The following ZC3H12D variants were observed in gnomAD, a reference collection of about 807,000 sequenced individuals.
ZC3H12D encodes the protein zinc finger CCCH-type containing 12D, also known as probable ribonuclease ZC3H12D.
ZC3H12D carries 11 observed loss-of-function variants against 24.2 expected under a neutral mutation model. That is an observed-to-expected ratio of 0.46 (90% CI 0.29 to 0.75). ZC3H12D has a LOEUF of 0.75. ZC3H12D is among the 30% of genes least tolerant of loss of function. The pLI, the probability that ZC3H12D is intolerant of heterozygous loss-of-function variation, is 0.11. For synonymous variants in ZC3H12D, 333 were observed against 341.8 expected (o/e 0.97, Z 0.28); for missense variants, 740 against 767.7 (o/e 0.96, Z 0.43).
Position 149,474,627 on chromosome 6 carries a change from A to G in ZC3H12D, c.-70-14T>C. On this transcript the variant is annotated splice_polypyrimidine_tract_variant and intron_variant, in intron 1 of 5. Coordinates refer to ENST00000409806, the MANE Select transcript of ZC3H12D (RefSeq NM_207360.3). ...TGCAGACATGAGCTAAAGAGAAAAA[A>G]AATGCATCCATCAGGTGTTTCCTGG... is the stretch of plus-strand genomic sequence containing the variant. 7.8e-7 allele frequency: 1 copy of G among 1,275,564 alleles called. No homozygotes were observed. The highest frequency in any genetic ancestry group is 1.0e-6 in the Non-Finnish European group (1 of 977,608). 79.0% of individuals were successfully genotyped at this position (1,275,564 alleles called of 1,614,324 possible). A position where few individuals can be genotyped will look rare whatever the true frequency, so the allele number is the denominator to read the frequency against.
At chr6:149,460,774 G>C (rs555511384) in intron 3 of ZC3H12D, among the ~76,000 whole-genome samples, 8 of 152,002 alleles carry the variant, frequency 5.3e-5, no homozygotes, top group Non-Finnish European at 7.4e-5. Context: ...AGGTTGCAGT[G>C]AGCTGAGATT....
In ZC3H12D at chr6:149,474,301, G is replaced by A. The variant is rs1239639560; in HGVS notation, c.243C>T (p.Asp81=). The A allele has an allele frequency of 3.2e-6, 5 of 1,575,512 alleles. No individual in the cohort carries two copies. The highest frequency in any genetic ancestry group is 1.7e-6 in the Non-Finnish European group (2 of 1,156,390). Residue 81 remains aspartate, a synonymous_variant, in exon 2 of 6, where the codon GAC becomes GAT. Transcript: ENST00000409806. ...QRGPGTALEE[D]FRTLASSLRP... The stretch of plus-strand genomic sequence containing the variant: ...GCAGAGAACTGGCCAGGGTTCTGAA[G>A]TCCTCTTCCAGGGCTGTCCCCGGGC...
chr6:149,467,436 T>G (rs1776180287), intron 2 of ZC3H12D, among the ~76,000 whole-genome samples: 1 of 152,124 alleles, frequency 6.6e-6, no homozygotes, highest in Non-Finnish European at 1.5e-5. Flanking sequence ...AAATTTGTTG[T>G]AGAGATGAGG....
chr6:149,463,487 G>A (rs774816763), intron 2 of ZC3H12D, among the ~76,000 whole-genome samples: 262 of 152,252 alleles, frequency 1.7e-3, no homozygotes, highest in Non-Finnish European at 1.9e-3. Flanking sequence ...GAGGCAGGTG[G>A]ATCATGAGGT....
intron 2 of ZC3H12D, among the ~76,000 whole-genome samples, chr6:149,462,213 A>C (rs181863137): frequency 1.6e-4 from 25 of 152,260 alleles, no homozygotes; most frequent in Non-Finnish European, 3.5e-4. Context: ...ATCTCTACGA[A>C]AAATACAAAA....
In ZC3H12D at chr6:149,451,120, C is replaced by G. The variant is rs1258541122; in HGVS notation, c.1147G>C (p.Gly383Arg). 7.4e-7 allele frequency: 1 copy of G among 1,343,980 alleles called. No homozygotes were observed. Among genetic ancestry groups the G allele is most frequent in the Non-Finnish European group, 9.5e-7 (1 of 1,053,210 alleles). The allele number at this position is 1,343,980 out of a possible 1,614,324, so 83.3% of individuals were successfully genotyped here. Residue 383 changes from glycine (G) to arginine (R), a missense_variant, in exon 6 of 6, where the codon GGC (glycine) becomes CGC (arginine). Coordinates refer to ENST00000409806, the MANE Select transcript of ZC3H12D (RefSeq NM_207360.3). ...AGGCTGAGCGGGCCTGGCACCCGGC[C>G]GCCCGCGGACACCCAGTCGGGCCCG... is the stretch of plus-strand genomic sequence containing the variant. ...LGGPDWVSAGGRVPGPLSLPS... is the reference protein window; with the variant it reads ...LGGPDWVSAGRRVPGPLSLPS...
intron 3 of ZC3H12D, among the ~76,000 whole-genome samples, chr6:149,457,772 A>G (rs1267703474): frequency 5.3e-5 from 8 of 152,126 alleles, no homozygotes; most frequent in Non-Finnish European, 2.9e-5. Context: ...GCCTTTGGAG[A>G]CATGCAGGAA....
At chr6:149,478,369 T>A (rs1776374130) in intron 1 of ZC3H12D, among the ~76,000 whole-genome samples, 2 of 151,706 alleles carry the variant, frequency 1.3e-5, no homozygotes, top group Non-Finnish European at 2.9e-5. Flanking sequence ...GCAGAAATGT[T>A]AATTAGTGCC....
At chr6:149,473,885 G>A (rs1583191595) in intron 2 of ZC3H12D, among the ~76,000 whole-genome samples, 1 of 152,038 alleles carries the variant, frequency 6.6e-6, no homozygotes, top group African/African-American at 2.4e-5. Context: ...TTGACCCAGG[G>A]CGCCTCCCTC....
intron 1 of ZC3H12D, among the ~76,000 whole-genome samples, chr6:149,477,537 T>C (rs1222269777): frequency 3.3e-5 from 5 of 152,256 alleles, no homozygotes; most frequent in Non-Finnish European, 7.3e-5. Flanking sequence ...CTTGAAACTA[T>C]CTGTTCCCTT....
At chr6:149,482,657 T>C (rs1776444450) in intron 1 of ZC3H12D, among the ~76,000 whole-genome samples, 1 of 152,068 alleles carries the variant, frequency 6.6e-6, no homozygotes, top group South Asian at 2.1e-4. Flanking sequence ...GGGTTCTAGT[T>C]TGCAGCCTCT....
intron 1 of ZC3H12D, chr6:149,483,135 C>T (rs1776450413): frequency 1.3e-5 from 2 of 152,300 alleles, no homozygotes. Flanking sequence ...TTGTCCTGAG[C>T]TTTTCCACAG....
chr6:149,456,631 G>A lies in ZC3H12D; in HGVS notation c.680+35C>T, dbSNP rs757235993. 17 of 794,036 alleles carry A rather than the reference G, an allele frequency of 2.1e-5. No homozygotes were observed. The highest frequency in any genetic ancestry group is 2.3e-5 in the Non-Finnish European group (11 of 485,318). 49.2% of individuals were successfully genotyped at this position (794,036 alleles called of 1,614,324 possible). ...CTCGACCCCGGCCCCCCGCCCCGCC[G>A]CCCCCCAGGGTGTCAGGACCCCAGC... On this transcript the variant is annotated intron_variant, in intron 4 of 5. Coordinates refer to ENST00000409806, the MANE Select transcript of ZC3H12D (RefSeq NM_207360.3). The surrounding 1 kb of genome is among the most constrained non-coding windows in gnomAD (Gnocchi z 4.3).
chr6:149,458,049 G>A (rs452586), intron 3 of ZC3H12D, among the ~76,000 whole-genome samples: 54,168 of 146,156 alleles, frequency 0.37, 10,348 homozygotes, highest in African/African-American at 0.47. Flanking sequence ...CCGTGTTTAT[G>A]ATTTCCTTGC....
intron 2 of ZC3H12D, among the ~76,000 whole-genome samples, chr6:149,471,160 T>C (rs1776238565): frequency 1.3e-5 from 2 of 152,242 alleles, no homozygotes. Context: ...ACTGGGCCAG[T>C]GGCCCACTCT....
rs147473123 is a variant in ZC3H12D at position 149,480,014 on chromosome 6, T to C, written c.-71+4799A>G. 5.9e-5 allele frequency among the ~76,000 whole-genome samples: 9 copies of C among 152,224 alleles called. 1 individual carries two copies. In the East Asian group the frequency reaches 1.4e-3, roughly 23 times the overall value. On this transcript the variant is annotated intron_variant, in intron 1 of 5. Coordinates refer to ENST00000409806, the MANE Select transcript of ZC3H12D (RefSeq NM_207360.3). ...ACAACCCATTGGCCAATAATTCTACTTCCCGGACATTTTCCATAACCACCC... is the reference window on the plus strand; with the variant it reads ...ACAACCCATTGGCCAATAATTCTACCTCCCGGACATTTTCCATAACCACCC...
Position 149,452,587 on chromosome 6 carries a change from G to C in ZC3H12D, c.787+29C>G. The C allele has an allele frequency of 6.7e-7, 1 of 1,496,546 alleles. No individual in the cohort carries two copies. Among genetic ancestry groups the C allele is most frequent in the Non-Finnish European group, 8.9e-7 (1 of 1,123,180 alleles). The allele number at this position is 1,496,546 out of a possible 1,614,324, so 92.7% of individuals were successfully genotyped here. On this transcript the variant is annotated intron_variant, in intron 5 of 5. Transcript: ENST00000409806. This position sits in a 1 kb window ranked among gnomAD's most constrained non-coding sequence, Gnocchi z 4.0. Reference sequence around the variant, plus strand: ...CTGCCCCCACACAAGGCCCTGAACAGGGCCTGCGAAGCACTGGGCCCTACC... The same window carrying C: ...CTGCCCCCACACAAGGCCCTGAACACGGCCTGCGAAGCACTGGGCCCTACC...
At chr6:149,464,286 T>C (rs912736491) in intron 2 of ZC3H12D, among the ~76,000 whole-genome samples, 3 of 152,188 alleles carry the variant, frequency 2.0e-5, no homozygotes, top group Admixed American at 1.3e-4. Flanking sequence ...AAGTGACTGG[T>C]GAAACCTGAA....
rs188136387 is a variant in ZC3H12D, at chr6:149,479,300, G to A, written c.-70-4687C>T. Among the ~76,000 whole-genome samples, 973 of 152,336 alleles carry A rather than the reference G, an allele frequency of 6.4e-3. 9 individuals carry two copies. The highest frequency in any genetic ancestry group is 0.022 in the African/African-American group (896 of 41,568). ...TACTTGACCCCAGGAGGTTGAGGCT[G>A]CAGTGAGCTGTGATCACGCCACTGA... On this transcript the variant is annotated intron_variant, in intron 1 of 5. Transcript: ENST00000409806.
Sources: gnomAD v4.1 joint callset for allele counts (sites outside exome capture counted in the v4.1 genomes callset) on GRCh38, gnomAD v4.1.1 for gene constraint, Gnocchi (gnomAD v3.1) non-coding constraint, MANE v1.5 for transcripts, NCBI Gene and HGNC (gene_info 2026-07-23, HGNC 2026-07-21) for gene names.